CD79B: variants seen among roughly 807,000 people sequenced by gnomAD.
The protein encoded by CD79B is B-cell antigen receptor complex-associated protein beta chain.
Under a neutral mutation model 30.0 loss-of-function variants are expected in CD79B, and 7 were observed. That is an observed-to-expected ratio of 0.23 (90% confidence interval 0.13 to 0.44). The LOEUF (loss-of-function observed/expected upper bound fraction) is 0.44. Among genes scored for constraint, CD79B ranks in the 20% least tolerant of loss-of-function variants. The probability of loss-of-function intolerance (pLI) is 1.00; values close to 1 mark genes in which losing one functional copy is unlikely to be tolerated. For missense variants in CD79B, 218 were observed against 299.1 expected, an observed-to-expected ratio of 0.73 and a Z score of 2.00; for synonymous variants, 118 against 119.2, an observed-to-expected ratio of 0.99 and a Z score of 0.07.
rs777266345 is a variant in CD79B, at chr17:63,929,270, C to G, written c.646G>C (p.Gly216Arg). The change falls in exon 6 of 6, where the codon GGG (glycine) becomes CGG (arginine). Residue 216 changes from glycine to arginine, a missense_variant. Transcript: ENST00000006750. ...TYEDIVTLRT[G>R]EVKWSVGEHP... ...TCACCTACAGACCACTTCACTTCCC[C>G]TGTCCGCAGCGTCACTATGTCCTCA... is the stretch of plus-strand genomic sequence containing the variant. The G allele has an allele frequency of 5.7e-5, 92 of 1,614,020 alleles. No individual in the cohort carries two copies. The highest frequency in any genetic ancestry group is 6.8e-5 in the Non-Finnish European group (80 of 1,180,014).
intron 5 of CD79B, 55 bp from the exon 6 acceptor site, chr17:63,929,379 A>T: frequency 6.2e-7 from 1 of 1,610,194 alleles, no homozygotes; most frequent in Non-Finnish European, 8.5e-7. Flanking sequence ...ACACCAGCAG[A>T]TAGTGGCCAC....
In CD79B at chr17:63,931,394, T is replaced by C. The variant is rs374896622; in HGVS notation, c.68-9A>G. On this transcript the variant is annotated splice_polypyrimidine_tract_variant and intron_variant, in intron 1 of 5. Coordinates refer to ENST00000006750, the MANE Select transcript of CD79B (RefSeq NM_000626.4). ...TGCTGGTACTGGCTCAGCTGCTGGG[T>C]GGGAGGAAGTGGGCGGGGCCAGTCA... 510 of 1,613,620 alleles carry C rather than the reference T, an allele frequency of 3.2e-4. No homozygotes were observed. Among genetic ancestry groups the C allele is most frequent in the Non-Finnish European group, 4.2e-4 (500 of 1,179,886 alleles).
chr17:63,930,071 C>G lies in CD79B; in HGVS notation c.430+3G>C. The G allele has an allele frequency of 6.2e-7, 1 of 1,613,696 alleles. No individual in the cohort carries two copies. Among genetic ancestry groups the G allele is most frequent in the Non-Finnish European group, 8.5e-7 (1 of 1,179,810 alleles). On this transcript the variant is annotated splice_donor_region_variant and intron_variant, in intron 3 of 5. Coordinates refer to ENST00000006750, the MANE Select transcript of CD79B (RefSeq NM_000626.4). ...AGGAGCGTCCCAGCCACCTGGCACA[C>G]ACCCATGACTCGCAGCTCTGTGCCG...
At chr17:63,931,941 C>G (rs999973829) in intron 1 of CD79B, 2 of 570,938 alleles carry the variant, frequency 3.5e-6, no homozygotes, top group African/African-American at 1.9e-5. Context: ...TGGTTGCTAA[C>G]TCTGGTTTGC....
rs1256014240 is a variant in CD79B, at chr17:63,929,253, A to G, written c.663T>C (p.Ser221=). Residue 221 remains serine (S), a synonymous_variant, in exon 6 of 6, where the codon TCT becomes TCC. Transcript: ENST00000006750. ...VTLRTGEVKW[S]VGEHPGQE is the part of the protein sequence containing the mutation. ...ACTCCTGGCCTGGGTGCTCACCTAC[A>G]GACCACTTCACTTCCCCTGTCCGCA... 1.2e-6 allele frequency: 2 copies of G among 1,613,736 alleles called. No individual in the cohort carries two copies. The highest frequency in any genetic ancestry group is 1.7e-5 in the Admixed American group (1 of 60,022).
rs1435213193 is a variant in CD79B, at chr17:63,931,095, C to T, written c.118+240G>A. ...GAACCCCCAGGCTCCCTTGCTATGACCCAGAGTTTAGCCCAGCCCTTCAGT... is the reference window on the plus strand; with the variant it reads ...GAACCCCCAGGCTCCCTTGCTATGATCCAGAGTTTAGCCCAGCCCTTCAGT... On this transcript the variant is annotated intron_variant, in intron 2 of 5. Coordinates refer to ENST00000006750, the MANE Select transcript of CD79B (RefSeq NM_000626.4). The T allele has an allele frequency of 1.7e-5, 10 of 576,810 alleles. No individual in the cohort carries two copies. In the East Asian group the frequency reaches 2.8e-4, roughly 16 times the overall value. The allele number at this position is 576,810 out of a possible 1,614,324, so 35.7% of individuals were successfully genotyped here.
rs771865960 is a variant in CD79B at position 63,932,179 on chromosome 17, G to C, written c.67+16C>G. 4 of 1,611,258 alleles carry C rather than the reference G, an allele frequency of 2.5e-6. No individual in the cohort carries two copies. The African/African-American group carries it at 5.3e-5, about 22-fold the overall frequency. On this transcript the variant is annotated intron_variant, in intron 1 of 5. Coordinates refer to ENST00000006750, the MANE Select transcript of CD79B (RefSeq NM_000626.4). ...GATGAGAGCAAACCCCACAGGCCTC[G>C]TCGTGGGTTCTGTACCTGAGAGCAG...
intron 2 of CD79B, 78 bp from the exon 3 acceptor site, chr17:63,930,463 T>G: frequency 7.5e-7 from 1 of 1,325,436 alleles, no homozygotes; most frequent in Non-Finnish European, 1.1e-6. Flanking sequence ...GCCCCTGCCC[T>G]GGCTGGCACA....
chr17:63,931,843 G>C, intron 1 of CD79B: 1 of 436,320 alleles, frequency 2.3e-6, no homozygotes, highest in Admixed American at 3.5e-5. Context: ...GCATCTTCCA[G>C]GGTCCGGTTG....
At position 63,932,184 on chromosome 17, in the gene CD79B, G is replaced by A; in HGVS notation, c.67+11C>T. ...GAGCAAACCCCACAGGCCTCGTCGT[G>A]GGTTCTGTACCTGAGAGCAGCAGCA... On this transcript the variant is annotated intron_variant, in intron 1 of 5. Coordinates refer to ENST00000006750, the MANE Select transcript of CD79B (RefSeq NM_000626.4). 6.2e-7 allele frequency: 1 copy of A among 1,612,372 alleles called. No homozygotes were observed. Among genetic ancestry groups the A allele is most frequent in the Non-Finnish European group, 8.5e-7 (1 of 1,179,204 alleles).
intron 1 of CD79B, chr17:63,931,811 G>A (rs1908147377): frequency 2.5e-6 from 1 of 404,196 alleles, no homozygotes; most frequent in African/African-American, 2.0e-5. Flanking sequence ...CCTCCCAGAG[G>A]AGGGGACCAC....
chr17:63,930,788 C>G (rs772786439), intron 2 of CD79B, among the ~76,000 whole-genome samples: 1 of 151,886 alleles, frequency 6.6e-6, no homozygotes, highest in Non-Finnish European at 1.5e-5. Flanking sequence ...CAGTCTCCCC[C>G]GTTCCTCCAG....
intron 2 of CD79B, 165 bp downstream of exon 2, chr17:63,931,170 G>C (rs912504124): frequency 9.8e-6 from 7 of 715,388 alleles, no homozygotes; most frequent in Non-Finnish European, 1.8e-5. Context: ...TGGGCTGGGG[G>C]TGGGGCTCAG....
At chr17:63,929,687 G>T in intron 4 of CD79B, 83 bp downstream of exon 4, 2 of 1,070,884 alleles carry the variant, frequency 1.9e-6, no homozygotes, top group Non-Finnish European at 2.9e-6. Context: ...ACGAGAGCTG[G>T]GGAGATGGAG....
At chr17:63,931,997 C>T in intron 1 of CD79B, 198 bp downstream of exon 1, 3 of 669,226 alleles carry the variant, frequency 4.5e-6, no homozygotes, top group East Asian at 2.7e-5. Flanking sequence ...AGGAGAGGAA[C>T]TGGGGCCACA....
chr17:63,929,658 C>G (rs1907992647), intron 4 of CD79B, 112 bp downstream of exon 4: 2 of 987,712 alleles, frequency 2.0e-6, no homozygotes, highest in South Asian at 2.6e-5. Context: ...TGGGGACAGG[C>G]TGGACCAAGA....
At chr17:63,929,540 AG>A in intron 4 of CD79B, 65 bp from the exon 5 acceptor site, 1 of 1,563,800 alleles carries the variant, frequency 6.4e-7, no homozygotes, top group Non-Finnish European at 8.8e-7. Flanking sequence ...CTGCTGGGCC[AG>A]GCTGGGGAGG....
Position 63,930,291 on chromosome 17 carries a change from G to A in CD79B, c.213C>T (p.Ser71=), listed in dbSNP as rs756340178. Residue 71 remains serine, a synonymous_variant, in exon 3 of 6, where the codon TCC becomes TCT. Coordinates refer to ENST00000006750, the MANE Select transcript of CD79B (RefSeq NM_000626.4). ...VKMHCYMNSA[S]GNVSWLWKQE... is the part of the protein sequence containing the mutation. ...GCTTCCAGAGCCAGCTCACATTGCCGGAGGCGCTGTTCATGTAGCAGTGCA... is the reference window on the plus strand; with the variant it reads ...GCTTCCAGAGCCAGCTCACATTGCCAGAGGCGCTGTTCATGTAGCAGTGCA... The A allele has an allele frequency of 8.7e-6, 14 of 1,614,046 alleles. No individual in the cohort carries two copies. Among genetic ancestry groups the A allele is most frequent in the African/African-American group, 6.7e-5 (5 of 74,928 alleles).
chr17:63,930,872 T>C (rs2005132), intron 2 of CD79B: 180,780 of 288,998 alleles, frequency 0.63, 58,031 homozygotes, highest in African/African-American at 0.72. Flanking sequence ...GACTTCCCTC[T>C]ATCATCCCCC....
Sources: gnomAD v4.1 joint callset for allele counts (sites outside exome capture counted in the v4.1 genomes callset) on GRCh38, gnomAD v4.1.1 for gene constraint, MANE v1.5 for transcripts, NCBI Gene and HGNC (gene_info 2026-07-23, HGNC 2026-07-21) for gene names.